CNGB1: variants seen among roughly 807,000 people sequenced by gnomAD.
CNGB1 encodes cyclic nucleotide-gated channel beta-1.
Under a neutral mutation model 151.7 loss-of-function variants are expected in CNGB1, and 126 were observed. The ratio of observed to expected loss-of-function variants is 0.83; its 90% CI spans 0.72 to 0.96. CNGB1 has a LOEUF of 0.96. Ranked by LOEUF, CNGB1 falls within the 40% of genes least tolerant of loss-of-function variation. The pLI is 0.00. For missense variants in CNGB1, 1,698 were observed against 1,627.0 expected (o/e 1.04, Z -0.75); for synonymous variants, 623 against 635.1 (o/e 0.98, Z 0.29).
In CNGB1 at chr16:57,901,587, G is replaced by A. The variant is rs777743815; in HGVS notation, c.2833C>T (p.Arg945Trp). ...TTCACGTCGATGGCGAGGTCCAGCCGCATCTTGTCTGGAAGCTGCACCATC... is the reference window on the plus strand; with the variant it reads ...TTCACGTCGATGGCGAGGTCCAGCCACATCTTGTCTGGAAGCTGCACCATC... ...ELMVQLPDKMRLDLAIDVNYN... is the reference protein window; with the variant it reads ...ELMVQLPDKMWLDLAIDVNYN... The change falls in exon 28 of 33, where the codon CGG (arginine) becomes TGG (tryptophan). Residue 945 changes from arginine to tryptophan, a missense_variant. Coordinates refer to ENST00000251102, the MANE Select transcript of CNGB1 (RefSeq NM_001297.5). The A allele has an allele frequency of 1.2e-5, 20 of 1,613,980 alleles. No homozygotes were observed. The highest frequency in any genetic ancestry group is 1.6e-5 in the Non-Finnish European group (19 of 1,180,010).
At chr16:57,946,060 C>T (rs936918666) in intron 14 of CNGB1, among the ~76,000 whole-genome samples, 1 of 152,110 alleles carries the variant, frequency 6.6e-6, no homozygotes, top group Admixed American at 6.5e-5. Context: ...CTGCCAAGGC[C>T]CCCTCTTGTG....
intron 16 of CNGB1, among the ~76,000 whole-genome samples, chr16:57,937,518 G>T (rs940701441): frequency 3.3e-5 from 5 of 152,136 alleles, no homozygotes; most frequent in Admixed American, 6.5e-5. Flanking sequence ...GTGTCATCAG[G>T]TCATGTGGCT....
intron 14 of CNGB1, among the ~76,000 whole-genome samples, chr16:57,943,703 G>A (rs1057037830): frequency 6.6e-6 from 1 of 152,272 alleles, no homozygotes; most frequent in Admixed American, 6.5e-5. Context: ...TGAGGATGCA[G>A]TGGAAAGGGA....
chr16:57,963,838 A>C (rs188978490), intron 4 of CNGB1: 90 of 490,528 alleles, frequency 1.8e-4, no homozygotes, highest in Non-Finnish European at 2.8e-4. Context: ...GTGAATTAAC[A>C]GTCTAATGAA....
At chr16:57,911,292 T>C (rs558164522) in intron 25 of CNGB1, among the ~76,000 whole-genome samples, 12 of 152,256 alleles carry the variant, frequency 7.9e-5, no homozygotes, top group African/African-American at 2.6e-4. Flanking sequence ...TGGCTCTTTT[T>C]CTATTTTTAT....
intron 24 of CNGB1, among the ~76,000 whole-genome samples, chr16:57,912,631 G>T (rs1318582844): frequency 6.6e-6 from 1 of 150,722 alleles, no homozygotes; most frequent in Non-Finnish European, 1.5e-5. Flanking sequence ...ATTGTGTGTT[G>T]TGTGTGCACT....
Position 57,903,852 on chromosome 16 carries a change from C to T in CNGB1, c.2764G>A (p.Glu922Lys), listed in dbSNP as rs373209562. Residue 922 changes from glutamate (E) to lysine (K), a missense_variant, in exon 27 of 33, where the codon GAG becomes AAG. Coordinates refer to ENST00000251102, the MANE Select transcript of CNGB1 (RefSeq NM_001297.5). ...ATGCCTTGCGAGTGCCAGGTGTACT[C>T]GTACCAGGTCTTGACGCGGTTCTGC... ...SVQNRVKTWY[E>K]YTWHSQGMLD... The T allele has an allele frequency of 7.1e-5, 115 of 1,614,052 alleles. No homozygotes were observed. The highest frequency in any genetic ancestry group is 2.2e-4 in the East Asian group (10 of 44,888).
chr16:57,890,070 G>T (rs1175382369), intron 31 of CNGB1, among the ~76,000 whole-genome samples: 1 of 152,134 alleles, frequency 6.6e-6, no homozygotes, highest in East Asian at 1.9e-4. Flanking sequence ...CTTTTTACCG[G>T]CAATTTTTCA....
chr16:57,919,025 C>T (rs1245188143), intron 20 of CNGB1, 74 bp downstream of exon 20: 3 of 1,607,720 alleles, frequency 1.9e-6, no homozygotes, highest in East Asian at 4.5e-5. Context: ...ATCCCCTGAC[C>T]CTCTCCCCAT....
intron 20 of CNGB1, among the ~76,000 whole-genome samples, chr16:57,918,108 GTTATTTATTTATTTATTTAT>G (rs35373193): frequency 7.7e-5 from 11 of 142,456 alleles, no homozygotes; most frequent in Admixed American, 1.4e-4. Flanking sequence ...AGATCATCTG[GTTATTTATTTATTTATTTAT>G]TTATTTATTT....
chr16:57,942,008 C>T (rs188216851), intron 14 of CNGB1, among the ~76,000 whole-genome samples: 250 of 152,204 alleles, frequency 1.6e-3, no homozygotes, highest in Middle Eastern at 0.01. Flanking sequence ...TGCTCCACCA[C>T]TCCTGGCTAT....
At position 57,916,095 on chromosome 16, in the gene CNGB1, C is replaced by T. The variant is rs768021024; in HGVS notation, c.2217+34G>A. On this transcript the variant is annotated intron_variant, in intron 22 of 32. Transcript: ENST00000251102. ...TCTGAGGCACCCCCTTCTGAAACCC[C>T]GCAGACGCTAAACCTTGCATGCCCG... 28 of 1,612,126 alleles carry T rather than the reference C, an allele frequency of 1.7e-5. No individual in the cohort carries two copies. The Admixed American group carries it at 2.2e-4, about 12-fold the overall frequency.
rs114946493 is a variant in CNGB1 at position 57,918,426 on chromosome 16, C to T, written c.1957+673G>A. Reference sequence around the variant, plus strand: ...AGAAAGGCAGGGAGCCCTCTGTAAACTCTAAAGTGCTATGCACATATGAAG... The same window carrying T: ...AGAAAGGCAGGGAGCCCTCTGTAAATTCTAAAGTGCTATGCACATATGAAG... On this transcript the variant is annotated intron_variant, in intron 20 of 32. Coordinates refer to ENST00000251102, the MANE Select transcript of CNGB1 (RefSeq NM_001297.5). Among the ~76,000 whole-genome samples, 529 of 152,310 alleles carry T rather than the reference C, an allele frequency of 3.5e-3. 5 individuals carry two copies. Among genetic ancestry groups the T allele is most frequent in the African/African-American group, 0.012 (502 of 41,562 alleles).
At position 57,967,094 on chromosome 16, in the gene CNGB1, G is replaced by A. The variant is rs540630276; in HGVS notation, c.159+34C>T. ...AACTGGGAAGACCCTGAGCAGCGAGGCCGGCCTGCCCCTCCTCCCGCTCTA... is the reference window on the plus strand; with the variant it reads ...AACTGGGAAGACCCTGAGCAGCGAGACCGGCCTGCCCCTCCTCCCGCTCTA... On this transcript the variant is annotated intron_variant, in intron 2 of 32. Transcript: ENST00000251102. 1.5e-5 allele frequency: 25 copies of A among 1,613,786 alleles called. No homozygotes were observed. In the South Asian group the frequency reaches 2.7e-4, roughly 18 times the overall value.
Position 57,939,559 on chromosome 16 carries a change from T to C in CNGB1, c.1243A>G (p.Lys415Glu). The change falls in exon 16 of 33, where the codon AAG (lysine) becomes GAG (glutamate). Residue 415 changes from lysine (K) to glutamate (E), a missense_variant. Coordinates refer to ENST00000251102, the MANE Select transcript of CNGB1 (RefSeq NM_001297.5). Reference sequence around the variant, plus strand: ...TCCTTGGCCTTCTCTTCAGCCTCCTTCTTGGCCTCCTCCCCAACTTCCTCC... The same window carrying C: ...TCCTTGGCCTTCTCTTCAGCCTCCTCCTTGGCCTCCTCCCCAACTTCCTCC... ...LWEEVGEEAK[K>E]EAEEKAKEEA... The C allele has an allele frequency of 6.2e-7, 1 of 1,614,122 alleles. No homozygotes were observed. The highest frequency in any genetic ancestry group is 8.5e-7 in the Non-Finnish European group (1 of 1,179,996).
chr16:57,884,182 C>G lies in CNGB1; in HGVS notation c.3738G>C (p.Arg1246Ser), dbSNP rs1382037654. Residue 1246 changes from arginine (R) to serine (S), a missense_variant, in exon 33 of 33, where the codon AGG becomes AGC. Arg to Ser is a moderately radical substitution (Grantham distance 110). Coordinates refer to ENST00000251102, the MANE Select transcript of CNGB1 (RefSeq NM_001297.5). The part of the protein sequence containing the change: ...QILSVKMPEE[R>S]EEKAE ...CCCCACCTTACTCCGCCTTCTCCTC[C>G]CTTTCCTCCGGCATCTTCACCGACA... 1.3e-5 allele frequency: 21 copies of G among 1,614,052 alleles called. No homozygotes were observed. Among genetic ancestry groups the G allele is most frequent in the Non-Finnish European group, 1.8e-5 (21 of 1,179,924 alleles).
intron 25 of CNGB1, among the ~76,000 whole-genome samples, chr16:57,908,591 C>G (rs1391797249): frequency 6.6e-6 from 1 of 152,244 alleles, no homozygotes; most frequent in East Asian, 1.9e-4. Context: ...GGTGGGAGTC[C>G]CATTTGCAGC....
chr16:57,924,117 A>G (rs1961121482), intron 17 of CNGB1, among the ~76,000 whole-genome samples: 1 of 152,206 alleles, frequency 6.6e-6, no homozygotes, highest in South Asian at 2.1e-4. Context: ...GCCTGACATC[A>G]GCAGGTTGGA....
At chr16:57,925,719 G>A (rs1023657916) in intron 17 of CNGB1, among the ~76,000 whole-genome samples, 14 of 151,770 alleles carry the variant, frequency 9.2e-5, no homozygotes, top group African/African-American at 3.1e-4. Context: ...ATGGAGTCTC[G>A]CTCTGTTGCC....
Sources: gnomAD v4.1 joint callset for allele counts (sites outside exome capture counted in the v4.1 genomes callset) on GRCh38, gnomAD v4.1.1 for gene constraint, MANE v1.5 for transcripts, NCBI Gene and HGNC (gene_info 2026-07-23, HGNC 2026-07-21) for gene names.